The following NOBOX variants were observed in gnomAD, a reference collection of about 807,000 sequenced individuals.
The protein encoded by NOBOX is homeobox protein NOBOX.
In NOBOX, 46 loss-of-function variants were observed where a neutral mutation model predicts 60.2. That is an observed-to-expected ratio of 0.76 (90% CI 0.60 to 0.98). The LOEUF (loss-of-function observed/expected upper bound fraction) is 0.98, where lower values mean the gene tolerates loss of function less well. NOBOX is among the 50% of genes least tolerant of loss of function. The probability of loss-of-function intolerance (pLI) is 0.00; values close to 1 mark genes in which losing one functional copy is unlikely to be tolerated. For synonymous variants in NOBOX, 360 were observed against 346.3 expected, an observed-to-expected ratio of 1.04 and a Z score of -0.44; for missense variants, 880 against 865.5, an observed-to-expected ratio of 1.02 and a Z score of -0.21.
chr7:144,398,616 T>C (rs1035140525), intron 8 of NOBOX, 30 bp from the exon 7 acceptor site: 1 of 1,495,024 alleles, frequency 6.7e-7, no homozygotes, highest in South Asian at 1.2e-5. Flanking sequence ...GCTGGTGAGG[T>C]GCAGGGGTGG....
intron 1 of NOBOX, among the ~76,000 whole-genome samples, chr7:144,407,447 A>G (rs1026314812): frequency 9.2e-5 from 14 of 152,184 alleles, no homozygotes; most frequent in Non-Finnish European, 1.9e-4. Flanking sequence ...TAGTCACAGC[A>G]AGGTATGGGA....
At chr7:144,406,130 C>T (rs533722765) in intron 1 of NOBOX, among the ~76,000 whole-genome samples, 13 of 152,180 alleles carry the variant, frequency 8.5e-5, no homozygotes, top group Non-Finnish European at 1.6e-4. Context: ...AGCTGGCTCC[C>T]CTCTGCCAGG....
In NOBOX at chr7:144,398,594, G is replaced by A. The variant is rs2053911634; in HGVS notation, c.1470-8C>T. On this transcript the variant is annotated splice_region_variant and splice_polypyrimidine_tract_variant and intron_variant, in intron 8 of 9. Transcript: ENST00000467773. ...GGGGGTGGCAGGGTGATGCTGCAAG[G>A]ACAGAGGAACAGCTGGTGAGGTGCA... 1.3e-6 allele frequency: 2 copies of A among 1,534,180 alleles called. No individual in the cohort carries two copies. The highest frequency in any genetic ancestry group is 4.9e-5 in the East Asian group (2 of 40,856).
chr7:144,397,098 A>T (rs1009780864), downstream of NOBOX: 28 of 660,730 alleles, frequency 4.2e-5, no homozygotes, highest in East Asian at 7.8e-4. Flanking sequence ...TATCAACAAG[A>T]CGAGCCTACA....
At chr7:144,398,902 T>A in intron 8 of NOBOX, 48 bp downstream of exon 6, 1 of 1,042,540 alleles carries the variant, frequency 9.6e-7, no homozygotes. Flanking sequence ...TACACCCCCC[T>A]ACCCCCACCC....
Position 144,397,313 on chromosome 7 carries a change from G to A in NOBOX, c.2003C>T (p.Pro668Leu). 2 of 1,537,296 alleles carry A rather than the reference G, an allele frequency of 1.3e-6. No individual in the cohort carries two copies. Among genetic ancestry groups the A allele is most frequent in the Non-Finnish European group, 1.7e-6 (2 of 1,146,920 alleles). The change falls in exon 10 of 10, where the codon CCA becomes CTA. Residue 668 changes from proline (P) to leucine (L), a missense_variant. Physicochemically the swap from Pro to Leu is moderately conservative, Grantham distance 98. Transcript: ENST00000467773. ...TGAGGGCTGATCCAGGGAAGCAGCT[G>A]GTGGTTCCTCTTTTGCCTTGCTGAG... is the stretch of plus-strand genomic sequence containing the variant.
At chr7:144,404,317 G>A (rs1220490947) in intron 2 of NOBOX, among the ~76,000 whole-genome samples, 3 of 152,122 alleles carry the variant, frequency 2.0e-5, no homozygotes, top group Admixed American at 2.0e-4. Flanking sequence ...GGGGGATCTC[G>A]GCTCACTGCA....
At chr7:144,402,747 CA>C (rs1169552883) in intron 2 of NOBOX, among the ~76,000 whole-genome samples, 1 of 109,124 alleles carries the variant, frequency 9.2e-6, no homozygotes, top group African/African-American at 3.5e-5. Flanking sequence ...TAAGGAATAA[CA>C]TTTTTTTTTT....
chr7:144,403,048 C>A (rs1034989456), intron 2 of NOBOX, among the ~76,000 whole-genome samples: 1 of 152,094 alleles, frequency 6.6e-6, no homozygotes, highest in African/African-American at 2.4e-5. Flanking sequence ...TGAGCCACTG[C>A]GCCTGACCCT....
At chr7:144,400,423 C>A in intron 4 of NOBOX, 111 bp from the exon 3 acceptor site, 1 of 919,066 alleles carries the variant, frequency 1.1e-6, no homozygotes, top group Non-Finnish European at 1.7e-6. Flanking sequence ...CTGCCCCTAA[C>A]CCAACACTTT....
chr7:144,410,118 T>C, intron 1 of NOBOX: 1 of 1,477,082 alleles, frequency 6.8e-7, no homozygotes, highest in South Asian at 1.2e-5. Context: ...ACAATTTTGC[T>C]GTTGCTTCCA....
intron 2 of NOBOX, among the ~76,000 whole-genome samples, chr7:144,403,929 T>TC (rs1452478923): frequency 1.3e-5 from 2 of 151,292 alleles, no homozygotes; most frequent in Non-Finnish European, 3.0e-5. Flanking sequence ...CCTGCTCCGC[T>TC]CCCCCCAGCC....
At chr7:144,405,825 G>T (rs1030014518) in intron 1 of NOBOX, among the ~76,000 whole-genome samples, 1 of 152,168 alleles carries the variant, frequency 6.6e-6, no homozygotes, top group African/African-American at 2.4e-5. Flanking sequence ...GTCCAAGGAG[G>T]TACCCAGAAA....
rs1307415371 is a variant in NOBOX at position 144,399,419 on chromosome 7, C to T, written c.1218G>A (p.Glu406=). Reference sequence around the variant, plus strand: ...CACCTGGAAAGGTATCCAGAGGGGACTCCTGAGGGAAAGGGTCAGGCTTTG... The same window carrying T: ...CACCTGGAAAGGTATCCAGAGGGGATTCCTGAGGGAAAGGGTCAGGCTTTG... The change falls in exon 7 of 10, where the codon GAG becomes GAA. Residue 406 remains glutamate (E), a synonymous_variant. Transcript: ENST00000467773. 1.9e-6 allele frequency: 3 copies of T among 1,586,674 alleles called. No homozygotes were observed. Among genetic ancestry groups the T allele is most frequent in the Non-Finnish European group, 2.6e-6 (3 of 1,166,162 alleles).
chr7:144,396,907 G>A (rs999888878), downstream of NOBOX, among the ~76,000 whole-genome samples: 9 of 152,100 alleles, frequency 5.9e-5, no homozygotes, highest in East Asian at 3.8e-4. Context: ...AGAGAAAACC[G>A]CAGGACGGAC....
At chr7:144,397,037 C>T (rs1208215), downstream of NOBOX, among the ~76,000 whole-genome samples, 19,192 of 152,184 alleles carry the variant, frequency 0.13, 1,569 homozygotes, top group South Asian at 0.23. Context: ...TCAGGACCCC[C>T]ACACAGAGTG....
chr7:144,403,643 G>A lies in NOBOX; in HGVS notation c.210+913C>T, dbSNP rs1240578717. 7.1e-6 allele frequency: 5 copies of A among 700,468 alleles called. No individual in the cohort carries two copies. Among genetic ancestry groups the A allele is most frequent in the Non-Finnish European group, 1.0e-5 (4 of 383,616 alleles). The allele number at this position is 700,468 out of a possible 1,614,324, so 43.4% of individuals were successfully genotyped here. ...AAGCCTGACCCCCTCGCACGACGGG[G>A]TCTCCACACTCACCCAGCGGTCCCT... On this transcript the variant is annotated intron_variant, in intron 2 of 9. Transcript: ENST00000467773.
chr7:144,401,882 C>T lies in NOBOX; in HGVS notation c.279G>A (p.Arg93=). ...GGGGGTACTCACCCCTTGTGAGTTC[C>T]CTTTTCCCAGACACCAGGGGTATGA... is the stretch of plus-strand genomic sequence containing the variant. Residue 93 remains arginine (R), a synonymous_variant, in exon 3 of 10, where the codon AGG becomes AGA. Transcript: ENST00000467773. This position sits in a 1 kb window ranked among gnomAD's most constrained non-coding sequence, Gnocchi z 4.2. The T allele has an allele frequency of 1.2e-6, 2 of 1,609,150 alleles. No homozygotes were observed. The highest frequency in any genetic ancestry group is 1.3e-5 in the African/African-American group (1 of 74,912).
intron 6 of NOBOX, 78 bp from the exon 5 acceptor site, chr7:144,399,560 C>T: frequency 1.5e-6 from 2 of 1,290,358 alleles, no homozygotes; most frequent in African/African-American, 1.5e-5. Context: ...AGGAGAGACA[C>T]CAATTCCCAA....
Sources: gnomAD v4.1 joint callset for allele counts (sites outside exome capture counted in the v4.1 genomes callset) on GRCh38, gnomAD v4.1.1 for gene constraint, Gnocchi (gnomAD v3.1) non-coding constraint, MANE v1.5 for transcripts, NCBI Gene and HGNC (gene_info 2026-07-23, HGNC 2026-07-21) for gene names.